Variants in PCDHA5 observed in about 807,000 individuals in gnomAD.
The protein encoded by PCDHA5 is protocadherin alpha-5.
Under a neutral mutation model 61.6 loss-of-function variants are expected in PCDHA5, and 43 were observed. That is an observed-to-expected ratio of 0.70 (90% CI 0.55 to 0.90). PCDHA5 has a LOEUF of 0.90. Ranked by LOEUF, PCDHA5 falls within the 40% of genes least tolerant of loss-of-function variation. PCDHA5 has a pLI of 0.00. For synonymous variants in PCDHA5, 627 were observed against 543.9 expected (o/e 1.15, Z -2.13); for missense variants, 1,298 against 1,222.7 (o/e 1.06, Z -0.92).
intron 1 of PCDHA5, among the ~76,000 whole-genome samples, chr5:140,908,023 A>G (rs797031285): frequency 5.9e-5 from 9 of 152,314 alleles, no homozygotes; most frequent in Admixed American, 2.6e-4. Context: ...GCTACAGCCC[A>G]TTAATCAGTA....
At chr5:140,875,772 G>A (rs781933974) in intron 1 of PCDHA5, 37 of 1,614,136 alleles carry the variant, frequency 2.3e-5, no homozygotes, top group South Asian at 3.3e-5. Flanking sequence ...GGCGGAGCGC[G>A]GAGTGCAGTA....
chr5:140,918,748 C>T (rs1303112000), intron 1 of PCDHA5, among the ~76,000 whole-genome samples: 1 of 152,110 alleles, frequency 6.6e-6, no homozygotes, highest in Non-Finnish European at 1.5e-5. Flanking sequence ...ATAAAAGAGG[C>T]CCAGAGAGGT....
At chr5:140,925,434 G>C (rs1165185781) in intron 1 of PCDHA5, among the ~76,000 whole-genome samples, 1 of 152,088 alleles carries the variant, frequency 6.6e-6, no homozygotes, top group African/African-American at 2.4e-5. Flanking sequence ...TAGGGTGTTA[G>C]GCAGAATTTG....
At chr5:140,825,328 G>A (rs1768508165) in intron 1 of PCDHA5, 1 of 145,220 alleles carries the variant, frequency 6.9e-6, no homozygotes, top group Admixed American at 6.9e-5. Context: ...CTGGAAATTT[G>A]CATATTTTTC....
chr5:140,878,790 CTT>C (rs2057728380), intron 1 of PCDHA5, among the ~76,000 whole-genome samples: 1 of 152,154 alleles, frequency 6.6e-6, no homozygotes. Context: ...TGTTCAATCA[CTT>C]TTTAAAAACA....
chr5:141,002,333 G>T (rs782123745), intron 3 of PCDHA5, among the ~76,000 whole-genome samples: 1 of 152,196 alleles, frequency 6.6e-6, no homozygotes, highest in African/African-American at 2.4e-5. Context: ...GGCTGCATCC[G>T]CACCCCTTCC....
intron 1 of PCDHA5, chr5:140,869,067 G>T (rs1220928735): frequency 6.4e-7 from 1 of 1,570,438 alleles, no homozygotes; most frequent in Non-Finnish European, 8.6e-7. Flanking sequence ...TACTGTAAGT[G>T]TAAAGAAGCT....
At position 140,857,686 on chromosome 5, in the gene PCDHA5, C is replaced by A; in HGVS notation, c.2352+33559C>A. The A allele has an allele frequency of 3.8e-6, 6 of 1,597,184 alleles. 1 individual carries two copies. Among genetic ancestry groups the A allele is most frequent in the Non-Finnish European group, 5.1e-6 (6 of 1,167,762 alleles). ...ATGGGGGCGTGCCGCCTCTGGGCAG[C>A]AACTTGACGCTGCAGGTGTTCGTGC... On this transcript the variant is annotated intron_variant, in intron 1 of 3. Transcript: ENST00000529859.
At position 140,870,104 on chromosome 5, in the gene PCDHA5, C is replaced by G. The variant is rs782066407; in HGVS notation, c.2352+45977C>G. 3.1e-6 allele frequency: 5 copies of G among 1,613,930 alleles called. No individual in the cohort carries two copies. The Admixed American group carries it at 8.3e-5, about 27-fold the overall frequency. ...ACTCCCCCAATGGCAGGTCACTGTACAGTCTGGGTGGAAATCTTGGACACC... is the reference window on the plus strand; with the variant it reads ...ACTCCCCCAATGGCAGGTCACTGTAGAGTCTGGGTGGAAATCTTGGACACC... On this transcript the variant is annotated intron_variant, in intron 1 of 3. Coordinates refer to ENST00000529859, the MANE Select transcript of PCDHA5 (RefSeq NM_018908.3).
At chr5:140,914,710 G>GT (rs1554196543) in intron 1 of PCDHA5, among the ~76,000 whole-genome samples, 1 of 151,256 alleles carries the variant, frequency 6.6e-6, no homozygotes, top group Non-Finnish European at 1.5e-5. Context: ...TTAATTTCTT[G>GT]TTTTTTATTT....
chr5:140,856,253 A>T lies in PCDHA5; in HGVS notation c.2352+32126A>T, dbSNP rs545226629. On this transcript the variant is annotated intron_variant, in intron 1 of 3. Coordinates refer to ENST00000529859, the MANE Select transcript of PCDHA5 (RefSeq NM_018908.3). ...GCGCCTGTTCCGGGTGGCGTCCAAA[A>T]GACACGGGGACCTTCTGGAGGTAAA... The T allele has an allele frequency of 1.3e-6, 2 of 1,598,032 alleles. 1 individual carries two copies. The highest frequency in any genetic ancestry group is 2.7e-5 in the African/African-American group (2 of 74,378).
chr5:140,887,624 GT>G (rs1369272233), intron 1 of PCDHA5, among the ~76,000 whole-genome samples: 1 of 151,558 alleles, frequency 6.6e-6, no homozygotes, highest in Non-Finnish European at 1.5e-5. Flanking sequence ...TTTTCTTTAT[GT>G]TAGTCTGTTG....
In PCDHA5 at chr5:140,935,762, C is replaced by T. The variant is rs187194530; in HGVS notation, c.2353-43187C>T. Among the ~76,000 whole-genome samples the T allele has an allele frequency of 2.5e-3, 386 of 152,162 alleles. 3 individuals are homozygous for T. The highest frequency in any genetic ancestry group is 0.018 in the South Asian group (87 of 4,822). On this transcript the variant is annotated intron_variant, in intron 1 of 3. Transcript: ENST00000529859. ...TTATTCCATACAATACACATTCTTC[C>T]CCACTTTGAGTTTTTTCACTTAAAA... is the stretch of plus-strand genomic sequence containing the variant.
intron 1 of PCDHA5, among the ~76,000 whole-genome samples, chr5:140,900,840 T>G (rs6874218): frequency 0.33 from 49,667 of 152,016 alleles, 8,381 homozygotes; most frequent in East Asian, 0.53. Flanking sequence ...ATGTACAAAG[T>G]TTCCCTTTTT....
chr5:140,897,540 A>C (rs1554187435), intron 1 of PCDHA5, among the ~76,000 whole-genome samples: 1 of 152,052 alleles, frequency 6.6e-6, no homozygotes, highest in Non-Finnish European at 1.5e-5. Flanking sequence ...ATGGCTGCAT[A>C]GTCTTCCATG....
intron 3 of PCDHA5, among the ~76,000 whole-genome samples, chr5:141,006,194 A>G (rs1455369245): frequency 1.3e-5 from 2 of 149,246 alleles, no homozygotes; most frequent in African/African-American, 2.5e-5. Context: ...TGCTATATGT[A>G]TGTTATGCCT....
intron 1 of PCDHA5, chr5:140,969,317 G>A (rs1554231675): frequency 6.2e-7 from 1 of 1,614,156 alleles, no homozygotes; most frequent in East Asian, 2.2e-5. Context: ...AAATGAGGCT[G>A]TTTCTCAAAA....
intron 1 of PCDHA5, among the ~76,000 whole-genome samples, chr5:140,874,267 A>G (rs929129030): frequency 6.6e-6 from 1 of 152,232 alleles, no homozygotes; most frequent in Non-Finnish European, 1.5e-5. Flanking sequence ...TGACTTGAGT[A>G]TTAATAGACT....
chr5:140,873,571 TGTTTAA>T (rs141288581), intron 1 of PCDHA5, among the ~76,000 whole-genome samples: 18,659 of 152,254 alleles, frequency 0.12, 1,208 homozygotes, highest in Middle Eastern at 0.19. Flanking sequence ...CTAGTTTGGT[TGTTTAA>T]GTATTAAGCT....
Sources: gnomAD v4.1 joint callset for allele counts (sites outside exome capture counted in the v4.1 genomes callset) on GRCh38, gnomAD v4.1.1 for gene constraint, MANE v1.5 for transcripts, NCBI Gene and HGNC (gene_info 2026-07-23, HGNC 2026-07-21) for gene names.